The following ACOX2 variants were observed in gnomAD, a reference collection of about 807,000 sequenced individuals.
ACOX2 encodes the protein peroxisomal acyl-coenzyme A oxidase 2.
Under a neutral mutation model 77.5 loss-of-function variants are expected in ACOX2, and 59 were observed. The observed-to-expected ratio is 0.76, with a 90% confidence interval of 0.62 to 0.95. The LOEUF is 0.95. Ranked by LOEUF, ACOX2 falls within the 40% of genes least tolerant of loss-of-function variation. The pLI is 0.00. For missense variants in ACOX2, 837 were observed against 880.4 expected, an observed-to-expected ratio of 0.95 and a Z score of 0.62; for synonymous variants, 317 against 340.1, an observed-to-expected ratio of 0.93 and a Z score of 0.75.
At chr3:58,518,172 G>A (rs1025674876) in intron 12 of ACOX2, among the ~76,000 whole-genome samples, 2 of 151,712 alleles carry the variant, frequency 1.3e-5, no homozygotes, top group African/African-American at 4.8e-5. Flanking sequence ...GCGTGCACAT[G>A]TGTGCACCAT....
At chr3:58,513,312 T>C (rs1383702884) in intron 13 of ACOX2, among the ~76,000 whole-genome samples, 1 of 152,192 alleles carries the variant, frequency 6.6e-6, no homozygotes, top group Non-Finnish European at 1.5e-5. Flanking sequence ...TTGAGGAATG[T>C]TTTCTTGAAT....
At chr3:58,536,034 T>A (rs777127688) in intron 1 of ACOX2, among the ~76,000 whole-genome samples, 1 of 152,058 alleles carries the variant, frequency 6.6e-6, no homozygotes, top group Non-Finnish European at 1.5e-5. Context: ...TTTCCTCTCC[T>A]GCTTGGAATC....
chr3:58,535,234 G>T lies in ACOX2; in HGVS notation c.-91-37C>A. ...AGGAACTGCCTAGGGCTGGGTGTCAGCCAGGGCTGGTTGGTAGAAGAAAGA... is the reference window on the plus strand; with the variant it reads ...AGGAACTGCCTAGGGCTGGGTGTCATCCAGGGCTGGTTGGTAGAAGAAAGA... On this transcript the variant is annotated intron_variant, in intron 1 of 14. Transcript: ENST00000302819. This position sits in a 1 kb window ranked among gnomAD's most constrained non-coding sequence, Gnocchi z 4.8. 2.5e-6 allele frequency: 3 copies of T among 1,212,190 alleles called. No homozygotes were observed. Among genetic ancestry groups the T allele is most frequent in the Non-Finnish European group, 1.2e-6 (1 of 845,036 alleles). The allele number at this position is 1,212,190 out of a possible 1,614,324, so 75.1% of individuals were successfully genotyped here.
chr3:58,534,966 A>T lies in ACOX2; in HGVS notation c.141T>A (p.Thr47=). Residue 47 remains threonine, a synonymous_variant, in exon 2 of 15, where the codon ACT becomes ACA. Coordinates refer to ENST00000302819, the MANE Select transcript of ACOX2 (RefSeq NM_003500.4). This position sits in a 1 kb window ranked among gnomAD's most constrained non-coding sequence, Gnocchi z 4.8. ...TNILDGGAQN[T]ALRRKVESII... is the part of the protein sequence containing the mutation. ...CCTTACCAACTTTCCTGCGGAGTGC[A>T]GTGTTCTGGGCACCTCCATCAAGGA... The T allele has an allele frequency of 6.2e-7, 1 of 1,614,230 alleles. No individual in the cohort carries two copies. The highest frequency in any genetic ancestry group is 8.5e-7 in the Non-Finnish European group (1 of 1,180,026).
chr3:58,534,901 A>G lies in ACOX2; in HGVS notation c.160+46T>C, dbSNP rs1474551635. ...AATGAAGGACTCTTCTTACAAGAGA[A>G]GCATGGGGCATAAAACAGATGTCCC... On this transcript the variant is annotated intron_variant, in intron 2 of 14. Transcript: ENST00000302819. This position sits in a 1 kb window ranked among gnomAD's most constrained non-coding sequence, Gnocchi z 4.8. The G allele has an allele frequency of 4.3e-6, 7 of 1,611,238 alleles. No individual in the cohort carries two copies. The South Asian group carries it at 6.6e-5, about 15-fold the overall frequency.
chr3:58,524,963 A>T lies in ACOX2; in HGVS notation c.1347-358T>A, dbSNP rs1446125365. Among the ~76,000 whole-genome samples, 1 of 152,222 alleles carries T rather than the reference A, an allele frequency of 6.6e-6. No individual in the cohort carries two copies. Among genetic ancestry groups the T allele is most frequent in the Non-Finnish European group, 1.5e-5 (1 of 68,044 alleles). ...GGAAATTAAATTTTCTTAGCTGAAA[A>T]AAGAAGGATAGAGGCAAGAATGCTA... On this transcript the variant is annotated intron_variant, in intron 10 of 14. Transcript: ENST00000302819. The surrounding 1 kb of genome is among the most constrained non-coding windows in gnomAD (Gnocchi z 5.5).
intron 5 of ACOX2, among the ~76,000 whole-genome samples, chr3:58,532,968 CTGATGGGGGCT>C (rs1384370982): frequency 1.3e-5 from 2 of 152,240 alleles, no homozygotes; most frequent in East Asian, 3.9e-4. Flanking sequence ...CGTTGGTGGC[CTGATGGGGGCT>C]GGTGATGGGC....
rs2063364439 is a variant in ACOX2 at position 58,522,364 on chromosome 3, T to C, written c.1632+132A>G. On this transcript the variant is annotated intron_variant, in intron 12 of 14. Coordinates refer to ENST00000302819, the MANE Select transcript of ACOX2 (RefSeq NM_003500.4). The surrounding 1 kb of genome is among the most constrained non-coding windows in gnomAD (Gnocchi z 4.3). ...ATTAAAATACCCTGGACTAAAGCCT[T>C]GGAAGTGAAATGAGGGCAGCCGCCA... is the stretch of plus-strand genomic sequence containing the variant. The C allele has an allele frequency of 3.8e-6, 3 of 788,750 alleles. No homozygotes were observed. The highest frequency in any genetic ancestry group is 2.7e-5 in the East Asian group (1 of 37,460). 48.9% of individuals were successfully genotyped at this position (788,750 alleles called of 1,614,324 possible).
rs2063411241 is a variant in ACOX2 at position 58,528,205 on chromosome 3, G to A, written c.1155+589C>T. The stretch of plus-strand genomic sequence containing the variant: ...CCTCATTGCAGTTGGAAGGGTTAAT[G>A]AGCAGTGCTTATAAAGCATGGTAGC... On this transcript the variant is annotated intron_variant, in intron 9 of 14. Coordinates refer to ENST00000302819, the MANE Select transcript of ACOX2 (RefSeq NM_003500.4). This position sits in a 1 kb window ranked among gnomAD's most constrained non-coding sequence, Gnocchi z 5.6. Among the ~76,000 whole-genome samples the A allele has an allele frequency of 6.6e-6, 1 of 152,134 alleles. No homozygotes were observed. Among genetic ancestry groups the A allele is most frequent in the Non-Finnish European group, 1.5e-5 (1 of 68,028 alleles).
At chr3:58,517,904 G>A (rs1267637348) in intron 12 of ACOX2, among the ~76,000 whole-genome samples, 2 of 151,826 alleles carry the variant, frequency 1.3e-5, no homozygotes, top group Non-Finnish European at 2.9e-5. Context: ...GTGAAACCCT[G>A]TCTCTACTAA....
chr3:58,531,857 AT>A lies in ACOX2; in HGVS notation c.584-46del. ...CGGCCCGTCACAGGAAGACCTGTGC[AT>A]TGCTTTTCCCAACCAACCCAGCCTC... is the stretch of plus-strand genomic sequence containing the variant. On this transcript the variant is annotated intron_variant, in intron 5 of 14. Coordinates refer to ENST00000302819, the MANE Select transcript of ACOX2 (RefSeq NM_003500.4). This position sits in a 1 kb window ranked among gnomAD's most constrained non-coding sequence, Gnocchi z 5.8. The A allele has an allele frequency of 6.3e-7, 1 of 1,576,628 alleles. No homozygotes were observed. The highest frequency in any genetic ancestry group is 8.6e-7 in the Non-Finnish European group (1 of 1,161,810).
At chr3:58,508,855 C>T (rs779893501) in intron 14 of ACOX2, 38 bp downstream of exon 14, 13 of 1,608,214 alleles carry the variant, frequency 8.1e-6, no homozygotes, top group African/African-American at 4.0e-5. Flanking sequence ...CTGTTCTCTG[C>T]TTTCTTACAT....
At chr3:58,511,397 T>G (rs1003524727) in intron 13 of ACOX2, 9 of 296,710 alleles carry the variant, frequency 3.0e-5, no homozygotes, top group African/African-American at 1.8e-4. Context: ...TGAAGGACAT[T>G]GATGATGGCA....
rs528538896 is a variant in ACOX2 at position 58,521,563 on chromosome 3, G to A, written c.1632+933C>T. On this transcript the variant is annotated intron_variant, in intron 12 of 14. Transcript: ENST00000302819. This position sits in a 1 kb window ranked among gnomAD's most constrained non-coding sequence, Gnocchi z 4.8. ...CATGGTCAGGACCACCCTCAGTCCCGGTTCAGACTTGCTCCTTTCTAACTT... is the reference window on the plus strand; with the variant it reads ...CATGGTCAGGACCACCCTCAGTCCCAGTTCAGACTTGCTCCTTTCTAACTT... Among the ~76,000 whole-genome samples the A allele has an allele frequency of 5.9e-5, 9 of 152,160 alleles. No homozygotes were observed. The highest frequency in any genetic ancestry group is 1.9e-4 in the African/African-American group (8 of 41,442).
Position 58,531,593 on chromosome 3 carries a change from A to T in ACOX2, c.703+100T>A. On this transcript the variant is annotated intron_variant, in intron 6 of 14. Transcript: ENST00000302819. The surrounding 1 kb of genome is among the most constrained non-coding windows in gnomAD (Gnocchi z 5.8). ...GGACCGCTCCCTGCCCAAGGGAGAC[A>T]TGTCTTAGCTACTCCTGTGGCCCTC... The T allele has an allele frequency of 6.6e-7, 1 of 1,513,602 alleles. No homozygotes were observed. The highest frequency in any genetic ancestry group is 8.9e-7 in the Non-Finnish European group (1 of 1,121,486). The allele number at this position is 1,513,602 out of a possible 1,614,324, so 93.8% of individuals were successfully genotyped here.
chr3:58,511,765 A>T (rs1174234832), intron 13 of ACOX2: 2 of 152,314 alleles, frequency 1.3e-5, no homozygotes, highest in East Asian at 3.9e-4. Flanking sequence ...TTTTGACTCT[A>T]TTTCCTTCTC....
In ACOX2 at chr3:58,514,735, A is replaced by T. The variant is rs2063310047; in HGVS notation, c.1850+2471T>A. On this transcript the variant is annotated intron_variant, in intron 13 of 14. Transcript: ENST00000302819. The surrounding 1 kb of genome is among the most constrained non-coding windows in gnomAD (Gnocchi z 4.3). Reference sequence around the variant, plus strand: ...ATTGTAAGTTTCTGGAGCCAAGGCAAGCACTTAGAAATGCTGTTTGCAAAT... The same window carrying T: ...ATTGTAAGTTTCTGGAGCCAAGGCATGCACTTAGAAATGCTGTTTGCAAAT... Among the ~76,000 whole-genome samples the T allele has an allele frequency of 6.6e-6, 1 of 152,232 alleles. No homozygotes were observed.
Position 58,521,886 on chromosome 3 carries a change from C to T in ACOX2, c.1632+610G>A, listed in dbSNP as rs1299376426. Among the ~76,000 whole-genome samples, 1 of 152,218 alleles carries T rather than the reference C, an allele frequency of 6.6e-6. No individual in the cohort carries two copies. The highest frequency in any genetic ancestry group is 6.5e-5 in the Admixed American group (1 of 15,274). The stretch of plus-strand genomic sequence containing the variant: ...TGCCTGGAAACTTTTCTCTCCAAAG[C>T]TGCCACCCCACCCTTTAGCTGGCTA... On this transcript the variant is annotated intron_variant, in intron 12 of 14. Transcript: ENST00000302819. This position sits in a 1 kb window ranked among gnomAD's most constrained non-coding sequence, Gnocchi z 4.8.
Position 58,531,368 on chromosome 3 carries a change from T to C in ACOX2, c.704-2A>G, listed in dbSNP as rs2063438176. On this transcript the variant is annotated splice_acceptor_variant, in intron 6 of 14. Transcript: ENST00000302819. LOFTEE classifies it high-confidence loss of function. The surrounding 1 kb of genome is among the most constrained non-coding windows in gnomAD (Gnocchi z 5.8). Reference sequence around the variant, plus strand: ...GTCCGATGTCCCCAATGATGATTCCTTGAAGGAGATGGAGATGAGGACACC... The same window carrying C: ...GTCCGATGTCCCCAATGATGATTCCCTGAAGGAGATGGAGATGAGGACACC... 6.2e-7 allele frequency: 1 copy of C among 1,612,352 alleles called. No homozygotes were observed. The highest frequency in any genetic ancestry group is 1.3e-5 in the African/African-American group (1 of 75,022).
Sources: allele counts gnomAD v4.1 joint callset (sites outside exome capture counted in the v4.1 genomes callset), GRCh38; gene constraint gnomAD v4.1.1; non-coding constraint Gnocchi (gnomAD v3.1); transcripts MANE v1.5; gene names NCBI Gene and HGNC (gene_info 2026-07-23, HGNC 2026-07-21).